Variants in PTPN13 observed in about 807,000 individuals in gnomAD.
PTPN13 encodes tyrosine-protein phosphatase non-receptor type 13.
PTPN13 carries 191 observed loss-of-function variants against 284.0 expected under a neutral mutation model. The ratio of observed to expected loss-of-function variants is 0.67; its 90% CI spans 0.60 to 0.76. The LOEUF is 0.76. Among genes scored for constraint, PTPN13 ranks in the 30% least tolerant of loss-of-function variants. PTPN13 has a pLI of 0.00. For synonymous variants in PTPN13, 986 were observed against 1,022.3 expected, an observed-to-expected ratio of 0.96 and a Z score of 0.68; for missense variants, 2,797 against 2,939.9, an observed-to-expected ratio of 0.95 and a Z score of 1.12.
intron 35 of PTPN13, among the ~76,000 whole-genome samples, chr4:86,778,902 T>A (rs1242194668): frequency 6.6e-6 from 1 of 151,588 alleles, no homozygotes; most frequent in Non-Finnish European, 1.5e-5. Context: ...TGGAGCATTT[T>A]TTTTTATTTT....
intron 15 of PTPN13, among the ~76,000 whole-genome samples, chr4:86,739,750 C>A (rs1735944810): frequency 6.6e-6 from 1 of 152,178 alleles, no homozygotes; most frequent in Non-Finnish European, 1.5e-5. Flanking sequence ...TGAGATAAGG[C>A]AAGTCCCTTC....
At chr4:86,758,900 G>T (rs761733677) in intron 22 of PTPN13, 42 bp from the exon 23 acceptor site, 1 of 1,597,930 alleles carries the variant, frequency 6.3e-7, no homozygotes, top group East Asian at 2.2e-5. Flanking sequence ...CAGAATAAAT[G>T]TATCTTTGTT....
chr4:86,676,453 G>A (rs1002651877), intron 3 of PTPN13, among the ~76,000 whole-genome samples: 2 of 152,118 alleles, frequency 1.3e-5, no homozygotes, highest in African/African-American at 2.4e-5. Context: ...CAGTATAAAG[G>A]TTTCTTAAAA....
At chr4:86,651,242 C>T (rs184348135) in intron 2 of PTPN13, among the ~76,000 whole-genome samples, 1 of 152,314 alleles carries the variant, frequency 6.6e-6, no homozygotes, top group East Asian at 1.9e-4. Flanking sequence ...GTTGAACTAT[C>T]CTTCCATTCC....
intron 3 of PTPN13, among the ~76,000 whole-genome samples, chr4:86,685,632 G>T (rs746592798): frequency 9.2e-5 from 14 of 152,112 alleles, no homozygotes; most frequent in African/African-American, 3.4e-4. Context: ...AAACAAAAAC[G>T]GCAGTGATGC....
At chr4:86,654,896 A>C (rs1341776437) in intron 2 of PTPN13, among the ~76,000 whole-genome samples, 1 of 152,106 alleles carries the variant, frequency 6.6e-6, no homozygotes, top group Non-Finnish European at 1.5e-5. Context: ...GTAGGTCTCT[A>C]AGGACTTGCT....
At chr4:86,762,436 G>A (rs1738806799) in intron 23 of PTPN13, among the ~76,000 whole-genome samples, 1 of 152,210 alleles carries the variant, frequency 6.6e-6, no homozygotes, top group South Asian at 2.1e-4. Context: ...CACTAAGAAA[G>A]TATAAATTAT....
chr4:86,736,570 T>A (rs61537748), intron 15 of PTPN13, among the ~76,000 whole-genome samples: 5,534 of 152,262 alleles, frequency 0.036, 345 homozygotes, highest in African/African-American at 0.13. Flanking sequence ...GGTGGTTTTT[T>A]CTGTTTGAGT....
At chr4:86,711,098 C>CTTTTTTTTTTCTT (rs1732360777) in intron 7 of PTPN13, among the ~76,000 whole-genome samples, 1 of 97,134 alleles carries the variant, frequency 1.0e-5, no homozygotes, top group Admixed American at 1.2e-4. Context: ...TAATTATTGC[C>CTTTTTTTTTTCTT]TTTTTTTTTT....
chr4:86,627,052 A>G (rs1193615218), intron 1 of PTPN13, among the ~76,000 whole-genome samples: 2 of 152,166 alleles, frequency 1.3e-5, no homozygotes, highest in Admixed American at 6.6e-5. Flanking sequence ...ATCCTGTCAC[A>G]TGCTATAACA....
intron 1 of PTPN13, among the ~76,000 whole-genome samples, chr4:86,629,541 G>A (rs1722227661): frequency 1.3e-5 from 2 of 152,088 alleles, no homozygotes; most frequent in Admixed American, 1.3e-4. Context: ...TTTTCAAATA[G>A]CAAAGATGTT....
At chr4:86,716,358 C>T (rs1366836378) in intron 7 of PTPN13, among the ~76,000 whole-genome samples, 172 bp from the exon 8 acceptor site, 1 of 152,124 alleles carries the variant, frequency 6.6e-6, no homozygotes, top group Non-Finnish European at 1.5e-5. Context: ...GTGCTCATAA[C>T]CAGTATACTA....
At chr4:86,799,045 GTTTAA>G (rs1451376212) in intron 41 of PTPN13, 51 bp from the exon 42 acceptor site, 1 of 1,078,970 alleles carries the variant, frequency 9.3e-7, no homozygotes, top group East Asian at 2.7e-5. Context: ...TCAGGGCCAT[GTTTAA>G]TTTGAGTACA....
intron 3 of PTPN13, among the ~76,000 whole-genome samples, chr4:86,682,418 AT>A (rs1306140470): frequency 1.3e-5 from 2 of 151,598 alleles, no homozygotes; most frequent in Non-Finnish European, 2.9e-5. Flanking sequence ...TGAGAAGCAG[AT>A]CAAAACTTTT....
chr4:86,612,500 G>GA (rs1322091932), intron 1 of PTPN13, among the ~76,000 whole-genome samples: 1 of 152,128 alleles, frequency 6.6e-6, no homozygotes, highest in East Asian at 1.9e-4. Context: ...AAGCATGATA[G>GA]AAAAAATATT....
intron 1 of PTPN13, among the ~76,000 whole-genome samples, chr4:86,623,602 T>A (rs1019080677): frequency 2.6e-5 from 4 of 152,194 alleles, no homozygotes; most frequent in Non-Finnish European, 4.4e-5. Flanking sequence ...TGATTGTGAT[T>A]TTCAGAATTT....
chr4:86,722,152 A>T lies in PTPN13; in HGVS notation c.1386-60A>T, dbSNP rs573042964. The T allele has an allele frequency of 2.4e-4, 333 of 1,409,530 alleles. No individual in the cohort carries two copies. The African/African-American group carries it at 4.5e-3, about 19-fold the overall frequency. 87.3% of individuals were successfully genotyped at this position (1,409,530 alleles called of 1,614,324 possible). A position where few individuals can be genotyped will look rare whatever the true frequency, so the allele number is the denominator to read the frequency against. ...CCTTACTTAAAATGAAATTTGCTTG[A>T]TTAGCCTTAAAACAATTGTTTTCCT... On this transcript the variant is annotated intron_variant, in intron 9 of 47. Coordinates refer to ENST00000411767, the MANE Select transcript of PTPN13 (RefSeq NM_080683.3).
chr4:86,750,997 T>G, intron 18 of PTPN13, 30 bp from the exon 19 acceptor site: 1 of 1,569,650 alleles, frequency 6.4e-7, no homozygotes, highest in Admixed American at 1.8e-5. Flanking sequence ...ACATTAACAC[T>G]TCCCTCCTAC....
intron 45 of PTPN13, 39 bp downstream of exon 45, chr4:86,807,936 T>G (rs1744828750): frequency 1.3e-6 from 2 of 1,534,486 alleles, no homozygotes; most frequent in Non-Finnish European, 8.9e-7. Context: ...AAGGTGTATC[T>G]CCTAGTTGTA....
Sources: allele counts gnomAD v4.1 joint callset (sites outside exome capture counted in the v4.1 genomes callset), GRCh38; gene constraint gnomAD v4.1.1; transcripts MANE v1.5; gene names NCBI Gene and HGNC (gene_info 2026-07-23, HGNC 2026-07-21).